The following SLC10A7 variants were observed in gnomAD, a reference collection of about 807,000 sequenced individuals.
SLC10A7 encodes solute carrier family 10 member 7, also known as sodium/bile acid cotransporter 7.
SLC10A7 carries 29 observed loss-of-function variants against 43.2 expected under a neutral mutation model. The ratio of observed to expected loss-of-function variants is 0.67; its 90% CI spans 0.50 to 0.92. SLC10A7 has a LOEUF of 0.92. Ranked by LOEUF, SLC10A7 falls within the 40% of genes least tolerant of loss-of-function variation. The pLI is 0.00. For synonymous variants in SLC10A7, 152 were observed against 144.8 expected, an observed-to-expected ratio of 1.05 and a Z score of -0.35; for missense variants, 295 against 403.2, an observed-to-expected ratio of 0.73 and a Z score of 2.30.
At chr4:146,258,888 A>C in intron 10 of SLC10A7, 51 bp from the exon 11 acceptor site, 2 of 1,571,614 alleles carry the variant, frequency 1.3e-6, no homozygotes, top group Non-Finnish European at 1.7e-6. Context: ...TCTGTCATCA[A>C]ATTAAATGCA....
chr4:146,339,739 G>T (rs200049548), intron 5 of SLC10A7, among the ~76,000 whole-genome samples: 1 of 149,930 alleles, frequency 6.7e-6, no homozygotes, highest in South Asian at 2.1e-4. Flanking sequence ...ACCAGATAAG[G>T]CATTTATTTT....
chr4:146,323,763 A>AGGG (rs1732905687), intron 6 of SLC10A7, among the ~76,000 whole-genome samples: 1 of 152,180 alleles, frequency 6.6e-6, no homozygotes, highest in East Asian at 1.9e-4. Context: ...AAACTGGCAC[A>AGGG]AGACAGGGAT....
chr4:146,511,159 GA>G (rs201928982), intron 2 of SLC10A7, among the ~76,000 whole-genome samples: 166 of 150,446 alleles, frequency 1.1e-3, no homozygotes, highest in African/African-American at 3.7e-3. Context: ...CCCAAGAGGG[GA>G]AAAAAAAATG....
intron 5 of SLC10A7, among the ~76,000 whole-genome samples, chr4:146,394,267 T>C (rs1738654011): frequency 6.6e-6 from 1 of 152,232 alleles, no homozygotes; most frequent in Non-Finnish European, 1.5e-5. Context: ...TTAAATCTTT[T>C]ATCTACCAGT....
intron 5 of SLC10A7, among the ~76,000 whole-genome samples, chr4:146,377,488 C>T (rs530491210): frequency 6.6e-6 from 1 of 152,328 alleles, no homozygotes; most frequent in South Asian, 2.1e-4. Flanking sequence ...CACTCACCTG[C>T]ATGCTCCTCC....
At chr4:146,464,741 GA>G (rs1732853274) in intron 4 of SLC10A7, among the ~76,000 whole-genome samples, 2 of 151,966 alleles carry the variant, frequency 1.3e-5, no homozygotes, top group South Asian at 2.1e-4. Flanking sequence ...ATTTCTGGAG[GA>G]AAAAAATTGC....
intron 6 of SLC10A7, among the ~76,000 whole-genome samples, chr4:146,309,547 C>T (rs1731816708): frequency 6.6e-6 from 1 of 152,134 alleles, no homozygotes; most frequent in African/African-American, 2.4e-5. Flanking sequence ...GGGGTTCACA[C>T]TTTGAGAACC....
chr4:146,509,852 C>T, intron 3 of SLC10A7, 61 bp downstream of exon 3: 2 of 1,495,576 alleles, frequency 1.3e-6, no homozygotes, highest in Non-Finnish European at 1.8e-6. Flanking sequence ...GCCATAGAAA[C>T]AATAATGTCT....
At chr4:146,463,881 T>C (rs1465489330) in intron 4 of SLC10A7, among the ~76,000 whole-genome samples, 1 of 150,500 alleles carries the variant, frequency 6.6e-6, no homozygotes, top group East Asian at 2.0e-4. Flanking sequence ...TAGAGTGCAG[T>C]GGTACATTCA....
chr4:146,383,970 T>A (rs1198556533), intron 5 of SLC10A7, among the ~76,000 whole-genome samples: 2 of 152,144 alleles, frequency 1.3e-5, no homozygotes, highest in African/African-American at 2.4e-5. Context: ...TGGCACTGAT[T>A]AACTGTGTAA....
chr4:146,266,905 GAATAA>G (rs1431523909), intron 10 of SLC10A7, among the ~76,000 whole-genome samples: 4 of 152,130 alleles, frequency 2.6e-5, no homozygotes, highest in Non-Finnish European at 4.4e-5. Flanking sequence ...TAAAAATAAA[GAATAA>G]AATAATATAA....
intron 5 of SLC10A7, among the ~76,000 whole-genome samples, chr4:146,355,715 A>C (rs1362200515): frequency 4.0e-5 from 6 of 151,798 alleles, no homozygotes; most frequent in African/African-American, 1.5e-4. Context: ...AGCCATAAAA[A>C]ATGATGAGTT....
At chr4:146,430,939 T>C in intron 5 of SLC10A7, among the ~76,000 whole-genome samples, 1 of 152,180 alleles carries the variant, frequency 6.6e-6, no homozygotes, top group East Asian at 1.9e-4. Flanking sequence ...ATGAATTTTA[T>C]TTTTATAAAG....
At chr4:146,431,599 A>G (rs1168784927) in intron 5 of SLC10A7, among the ~76,000 whole-genome samples, 3 of 152,160 alleles carry the variant, frequency 2.0e-5, no homozygotes, top group Non-Finnish European at 2.9e-5. Flanking sequence ...AACCACACGA[A>G]AAGTAATGAA....
At chr4:146,377,384 G>A (rs1737281737) in intron 5 of SLC10A7, among the ~76,000 whole-genome samples, 2 of 152,150 alleles carry the variant, frequency 1.3e-5, no homozygotes, top group Admixed American at 6.6e-5. Context: ...AGCCATCTGT[G>A]GATGGCAGCT....
intron 4 of SLC10A7, among the ~76,000 whole-genome samples, chr4:146,455,559 A>G (rs985976336): frequency 6.6e-6 from 1 of 151,920 alleles, no homozygotes; most frequent in African/African-American, 2.4e-5. Context: ...TTAAGAAGGC[A>G]ATGGATCAAT....
chr4:146,327,114 T>C (rs1733186821), intron 5 of SLC10A7, among the ~76,000 whole-genome samples: 1 of 152,194 alleles, frequency 6.6e-6, no homozygotes, highest in Non-Finnish European at 1.5e-5. Flanking sequence ...CCCTGTGTCA[T>C]AACAGTCACT....
intron 5 of SLC10A7, among the ~76,000 whole-genome samples, chr4:146,331,658 C>T (rs751713699): frequency 2.0e-5 from 3 of 151,996 alleles, no homozygotes; most frequent in Middle Eastern, 3.2e-3. Context: ...CTTAACTTTT[C>T]GAAAATTATA....
Position 146,445,959 on chromosome 4 carries a change from T to A in SLC10A7, c.397-3138A>T, listed in dbSNP as rs547329715. 6.7e-4 allele frequency among the ~76,000 whole-genome samples: 101 copies of A among 151,788 alleles called. 1 individual carries two copies. Among genetic ancestry groups the A allele is most frequent in the Middle Eastern group, 3.4e-3 (1 of 294 alleles). Reference sequence around the variant, plus strand: ...CACGGGAGTCCCCTGAGTCTGGGGTTTGCAGTTCTCATGGGCACAGGATAG... The same window carrying A: ...CACGGGAGTCCCCTGAGTCTGGGGTATGCAGTTCTCATGGGCACAGGATAG... On this transcript the variant is annotated intron_variant, in intron 4 of 11. Transcript: ENST00000335472.
Sources: allele counts gnomAD v4.1 joint callset (sites outside exome capture counted in the v4.1 genomes callset), GRCh38; gene constraint gnomAD v4.1.1; transcripts MANE v1.5; gene names NCBI Gene and HGNC (gene_info 2026-07-23, HGNC 2026-07-21).